ATF6: variants seen among roughly 807,000 people sequenced by gnomAD.
ATF6 encodes cyclic AMP-dependent transcription factor ATF-6 alpha.
In ATF6, 53 loss-of-function variants were observed where a neutral mutation model predicts 83.6. That is an observed-to-expected ratio of 0.63 (90% CI 0.51 to 0.80). The LOEUF (loss-of-function observed/expected upper bound fraction) is 0.80. ATF6 is among the 30% of genes least tolerant of loss of function. ATF6 has a pLI of 0.00. For synonymous variants in ATF6, 288 were observed against 285.8 expected (o/e 1.01, Z -0.08); for missense variants, 744 against 797.9 (o/e 0.93, Z 0.81).
chr1:161,827,886 G>A (rs1685942633), intron 9 of ATF6, among the ~76,000 whole-genome samples: 1 of 152,020 alleles, frequency 6.6e-6, no homozygotes, highest in South Asian at 2.1e-4. Flanking sequence ...TGACCTTATC[G>A]ATATTTTGTG....
intron 14 of ATF6, among the ~76,000 whole-genome samples, chr1:161,898,423 A>T (rs1468517759): frequency 6.6e-6 from 1 of 152,200 alleles, no homozygotes; most frequent in African/African-American, 2.4e-5. Context: ...ACCTATAGGC[A>T]GTTAGGCTTT....
chr1:161,921,061 A>G (rs965767840), intron 15 of ATF6, among the ~76,000 whole-genome samples: 2 of 151,970 alleles, frequency 1.3e-5, no homozygotes, highest in Admixed American at 6.6e-5. Context: ...TTGTTTTATT[A>G]TATTGAGAAG....
At chr1:161,781,599 T>G (rs988276831) in intron 2 of ATF6, among the ~76,000 whole-genome samples, 4 of 152,218 alleles carry the variant, frequency 2.6e-5, no homozygotes, top group African/African-American at 7.2e-5. Context: ...TGGATTTCCC[T>G]TAAGATAAAA....
At chr1:161,862,717 G>A (rs559331591) in intron 13 of ATF6, among the ~76,000 whole-genome samples, 1 of 152,248 alleles carries the variant, frequency 6.6e-6, no homozygotes, top group Admixed American at 6.5e-5. Flanking sequence ...CACTTGAGAA[G>A]TGAAGCAGGA....
At chr1:161,774,765 A>G (rs1437870457) in intron 1 of ATF6, among the ~76,000 whole-genome samples, 1 of 152,186 alleles carries the variant, frequency 6.6e-6, no homozygotes, top group Non-Finnish European at 1.5e-5. Flanking sequence ...ACACCATTCA[A>G]AGTTTGCCAT....
intron 14 of ATF6, among the ~76,000 whole-genome samples, chr1:161,876,382 G>A (rs1429074239): frequency 6.6e-6 from 1 of 151,910 alleles, no homozygotes; most frequent in Admixed American, 6.6e-5. Context: ...CATTGAGCAA[G>A]GTCGATTATC....
intron 9 of ATF6, among the ~76,000 whole-genome samples, chr1:161,831,058 G>A (rs1686046934): frequency 6.6e-6 from 1 of 152,110 alleles, no homozygotes; most frequent in African/African-American, 2.4e-5. Context: ...GTCTGACAAA[G>A]GGCTGATATC....
intron 15 of ATF6, among the ~76,000 whole-genome samples, chr1:161,913,326 T>C (rs1688028369): frequency 6.6e-6 from 1 of 152,148 alleles, no homozygotes; most frequent in African/African-American, 2.4e-5. Context: ...TAAATATAAT[T>C]AAACCTTCAA....
At chr1:161,890,374 A>C (rs1004051644) in intron 14 of ATF6, among the ~76,000 whole-genome samples, 2 of 152,226 alleles carry the variant, frequency 1.3e-5, no homozygotes, top group African/African-American at 4.8e-5. Context: ...TTACCTGTAA[A>C]GGTGTGACTT....
At chr1:161,806,215 T>C (rs1159077663) in intron 7 of ATF6, among the ~76,000 whole-genome samples, 2 of 152,192 alleles carry the variant, frequency 1.3e-5, no homozygotes, top group Non-Finnish European at 2.9e-5. Context: ...AAGTTGACTT[T>C]ATAGGACAGC....
chr1:161,849,561 C>G (rs1315219149), intron 10 of ATF6, among the ~76,000 whole-genome samples: 1 of 152,130 alleles, frequency 6.6e-6, no homozygotes, highest in Non-Finnish European at 1.5e-5. Flanking sequence ...GAAAGACTTT[C>G]CTTTTGTGTT....
chr1:161,826,987 A>T (rs1407236606), intron 9 of ATF6, among the ~76,000 whole-genome samples: 1 of 139,482 alleles, frequency 7.2e-6, no homozygotes, highest in East Asian at 2.1e-4. Flanking sequence ...GCTGGAGTGC[A>T]GTGGTGCGAT....
In ATF6 at chr1:161,784,107, AG is replaced by A. The variant is rs1351788490; in HGVS notation, c.354+12del. 4 of 1,580,498 alleles carry A rather than the reference AG, an allele frequency of 2.5e-6. No individual in the cohort carries two copies. The highest frequency in any genetic ancestry group is 3.4e-5 in the Admixed American group (2 of 58,782). On this transcript the variant is annotated intron_variant, in intron 4 of 15. Transcript: ENST00000367942. ...ACTCAGCATGTTCCTGTGAGTAGCCAGTCTTTTACAATGATTTTGGTTATAA... is the reference window on the plus strand; with the variant it reads ...ACTCAGCATGTTCCTGTGAGTAGCCATCTTTTACAATGATTTTGGTTATAA...
intron 15 of ATF6, among the ~76,000 whole-genome samples, chr1:161,935,284 T>C (rs1688515085): frequency 6.6e-6 from 1 of 152,204 alleles, no homozygotes; most frequent in Non-Finnish European, 1.5e-5. Context: ...AAAATTTATA[T>C]GTTGAAATCC....
intron 14 of ATF6, among the ~76,000 whole-genome samples, chr1:161,864,578 G>A (rs996207441): frequency 2.0e-5 from 3 of 152,190 alleles, no homozygotes; most frequent in African/African-American, 7.2e-5. Context: ...TTTGATACTT[G>A]AAAACTAGGG....
chr1:161,819,483 C>T (rs1337618900), intron 7 of ATF6, 150 bp from the exon 8 acceptor site: 2 of 443,362 alleles, frequency 4.5e-6, no homozygotes, highest in Non-Finnish European at 3.8e-6. Context: ...TTAGTTTGAG[C>T]AGTGTGTTTT....
At chr1:161,786,525 T>A (rs1240726310) in intron 4 of ATF6, among the ~76,000 whole-genome samples, 1 of 152,230 alleles carries the variant, frequency 6.6e-6, no homozygotes, top group Non-Finnish European at 1.5e-5. Flanking sequence ...AGGAAGGTTT[T>A]CACCACTGAG....
At chr1:161,826,578 C>T (rs1004241998) in intron 9 of ATF6, among the ~76,000 whole-genome samples, 12 of 151,464 alleles carry the variant, frequency 7.9e-5, no homozygotes, top group African/African-American at 2.9e-4. Context: ...GAACAGCCAG[C>T]GAAGAAGTAG....
intron 14 of ATF6, among the ~76,000 whole-genome samples, chr1:161,893,349 A>T (rs933503633): frequency 6.6e-6 from 1 of 151,846 alleles, no homozygotes; most frequent in Non-Finnish European, 1.5e-5. Flanking sequence ...TATTTTTAGT[A>T]GAGACGGGGT....
Sources: gnomAD v4.1 joint callset for allele counts (sites outside exome capture counted in the v4.1 genomes callset) on GRCh38, gnomAD v4.1.1 for gene constraint, MANE v1.5 for transcripts, NCBI Gene and HGNC (gene_info 2026-07-23, HGNC 2026-07-21) for gene names.